Variants in NCAM2 observed in about 807,000 individuals in gnomAD.
NCAM2 encodes the protein N-CAM-2.
A neutral mutation model predicts 98.1 loss-of-function variants in NCAM2; 30 were observed. The observed-to-expected ratio is 0.31, with a 90% CI of 0.23 to 0.41. NCAM2 has a LOEUF of 0.41. NCAM2 is among the 10% of genes least tolerant of loss of function. The pLI, the probability that NCAM2 is intolerant of heterozygous loss-of-function variation, is 1.00. For missense variants in NCAM2, 867 were observed against 1,005.8 expected (o/e 0.86, Z 1.87); for synonymous variants, 368 against 342.4 (o/e 1.07, Z -0.83).
intron 1 of NCAM2, among the ~76,000 whole-genome samples, chr21:21,022,034 T>C (rs1601116299): frequency 6.6e-6 from 1 of 152,068 alleles, no homozygotes; most frequent in East Asian, 1.9e-4. Flanking sequence ...AGAAATTTGG[T>C]TTATATAAAG....
intron 1 of NCAM2, among the ~76,000 whole-genome samples, chr21:21,156,243 A>G (rs1248569240): frequency 6.6e-6 from 1 of 152,074 alleles, no homozygotes; most frequent in Non-Finnish European, 1.5e-5. Context: ...CTGTTTAGCA[A>G]CATAAACAAA....
intron 14 of NCAM2, among the ~76,000 whole-genome samples, chr21:21,470,366 T>G (rs564303996): frequency 2.1e-4 from 32 of 152,240 alleles, no homozygotes; most frequent in African/African-American, 7.2e-4. Context: ...TTTGAGAAGT[T>G]ATGTGTGAAA....
intron 6 of NCAM2, among the ~76,000 whole-genome samples, chr21:21,327,635 A>G (rs897249956): frequency 1.3e-5 from 2 of 152,184 alleles, no homozygotes; most frequent in Non-Finnish European, 2.9e-5. Context: ...GAACCACTCA[A>G]TACAGTTACT....
At chr21:21,524,530 C>CA (rs974489712) in intron 16 of NCAM2, among the ~76,000 whole-genome samples, 70 of 104,228 alleles carry the variant, frequency 6.7e-4, no homozygotes, top group Admixed American at 3.1e-3. Flanking sequence ...AACTCTGTAA[C>CA]AAAAAAAAAG....
chr21:21,178,325 G>T (rs967520118), intron 1 of NCAM2, among the ~76,000 whole-genome samples: 1 of 152,080 alleles, frequency 6.6e-6, no homozygotes, highest in African/African-American at 2.4e-5. Flanking sequence ...TTGAGACAGA[G>T]CAATGACTAG....
intron 1 of NCAM2, among the ~76,000 whole-genome samples, chr21:21,127,856 A>G (rs2066859838): frequency 6.6e-6 from 1 of 152,012 alleles, no homozygotes; most frequent in Non-Finnish European, 1.5e-5. Context: ...TTCTATATTT[A>G]TGTCTCTAAA....
rs1202636147 is a variant in NCAM2, at chr21:21,539,914, GTTGT to G, written c.*1964_*1967del. On this transcript the variant is annotated 3_prime_UTR_variant, in exon 18 of 18. Transcript: ENST00000400546. ...GCTTTATTTTGCTGTGTTTTATTTTGTTGTTTGTTTTGTTTTGTACCAGTGTACT... is the reference window on the plus strand; with the variant it reads ...GCTTTATTTTGCTGTGTTTTATTTTGTTGTTTTGTTTTGTACCAGTGTACT... 3.9e-5 allele frequency: 6 copies of G among 152,066 alleles called. No homozygotes were observed. The highest frequency in any genetic ancestry group is 1.4e-4 in the African/African-American group (6 of 41,466). 9.4% of individuals were successfully genotyped at this position (152,066 alleles called of 1,614,324 possible). A position where few individuals can be genotyped will look rare whatever the true frequency, so the allele number is the denominator to read the frequency against.
intron 1 of NCAM2, among the ~76,000 whole-genome samples, chr21:21,045,805 C>G (rs764139912): frequency 6.6e-6 from 1 of 152,186 alleles, no homozygotes; most frequent in Non-Finnish European, 1.5e-5. Context: ...TAAAATATGT[C>G]ACATGATGTT....
At chr21:21,250,415 A>C (rs866842503) in intron 1 of NCAM2, among the ~76,000 whole-genome samples, 3 of 152,198 alleles carry the variant, frequency 2.0e-5, no homozygotes, top group Non-Finnish European at 4.4e-5. Flanking sequence ...TGTATTTACA[A>C]AGTTTGCATT....
At chr21:21,066,118 T>C (rs1283117307) in intron 1 of NCAM2, among the ~76,000 whole-genome samples, 1 of 152,138 alleles carries the variant, frequency 6.6e-6, no homozygotes, top group African/African-American at 2.4e-5. Flanking sequence ...TCTATGTAAT[T>C]TGGATATTTC....
At chr21:21,033,004 G>A (rs1012066799) in intron 1 of NCAM2, among the ~76,000 whole-genome samples, 2 of 151,558 alleles carry the variant, frequency 1.3e-5, no homozygotes, top group Non-Finnish European at 2.9e-5. Context: ...GAGTGCAATG[G>A]TATGATCTCG....
At chr21:21,364,638 A>C (rs532855666) in intron 8 of NCAM2, among the ~76,000 whole-genome samples, 1 of 152,132 alleles carries the variant, frequency 6.6e-6, no homozygotes, top group Non-Finnish European at 1.5e-5. Context: ...ATGTATACGT[A>C]TACATAAATA....
chr21:21,031,827 CA>C (rs2064690508), intron 1 of NCAM2, among the ~76,000 whole-genome samples: 1 of 152,060 alleles, frequency 6.6e-6, no homozygotes, highest in African/African-American at 2.4e-5. Context: ...CACACACACA[CA>C]CTCACACACA....
intron 10 of NCAM2, among the ~76,000 whole-genome samples, chr21:21,411,054 G>GTGTATA (rs1555889847): frequency 1.4e-4 from 4 of 29,270 alleles, no homozygotes; most frequent in African/African-American, 7.1e-4. Flanking sequence ...ATATGTGTGT[G>GTGTATA]TATATATATA....
At chr21:21,423,900 CA>C in intron 11 of NCAM2, among the ~76,000 whole-genome samples, 1 of 152,254 alleles carries the variant, frequency 6.6e-6, no homozygotes, top group Non-Finnish European at 1.5e-5. Flanking sequence ...GATTGGCTTA[CA>C]GGTTAAACTG....
At chr21:21,197,811 A>G (rs77880720) in intron 1 of NCAM2, among the ~76,000 whole-genome samples, 2,250 of 152,272 alleles carry the variant, frequency 0.015, 47 homozygotes, top group African/African-American at 0.052. Flanking sequence ...TTTCTAGGCA[A>G]CTACTGAGGG....
chr21:21,189,134 G>A (rs73894500), intron 1 of NCAM2, among the ~76,000 whole-genome samples: 148 of 152,230 alleles, frequency 9.7e-4, no homozygotes, highest in African/African-American at 3.3e-3. Flanking sequence ...AGTTCATCAG[G>A]TTTGGGGGTT....
chr21:21,020,822 A>G (rs1186541996), intron 1 of NCAM2, among the ~76,000 whole-genome samples: 1 of 152,218 alleles, frequency 6.6e-6, no homozygotes, highest in African/African-American at 2.4e-5. Flanking sequence ...AGCAGTAAAG[A>G]CATAGGGGAG....
rs146139202 is a variant in NCAM2 at position 21,116,602 on chromosome 21, C to T, written c.55+117984C>T. On this transcript the variant is annotated intron_variant, in intron 1 of 17. Transcript: ENST00000400546. ...GGGCGCAGCGGCTCACGCCTGTAAT[C>T]CCAGCACTTTGGGAGGCCGAGGCAG... is the stretch of plus-strand genomic sequence containing the variant. Among the ~76,000 whole-genome samples the T allele has an allele frequency of 1.4e-3, 217 of 152,278 alleles. 1 individual carries two copies. In the East Asian group the frequency reaches 0.034, roughly 24 times the overall value.
Sources: allele counts gnomAD v4.1 joint callset (sites outside exome capture counted in the v4.1 genomes callset), GRCh38; gene constraint gnomAD v4.1.1; transcripts MANE v1.5; gene names NCBI Gene and HGNC (gene_info 2026-07-23, HGNC 2026-07-21).